ADPGK: variants seen among roughly 807,000 people sequenced by gnomAD.
ADPGK encodes ADP dependent glucokinase.
Under a neutral mutation model 42.4 loss-of-function variants are expected in ADPGK, and 26 were observed. The ratio of observed to expected loss-of-function variants is 0.61; its 90% CI spans 0.45 to 0.85. ADPGK has a LOEUF of 0.85. Ranked by LOEUF, ADPGK falls within the 40% of genes least tolerant of loss-of-function variation. The pLI, the probability that ADPGK is intolerant of heterozygous loss-of-function variation, is 0.00. For missense variants in ADPGK, 571 were observed against 627.0 expected (o/e 0.91, Z 0.95); for synonymous variants, 267 against 252.6 (o/e 1.06, Z -0.54).
chr15:72,775,304 T>C (rs1421979715), intron 1 of ADPGK: 3 of 566,974 alleles, frequency 5.3e-6, no homozygotes, highest in Non-Finnish European at 9.4e-6. Flanking sequence ...CACAGGACTC[T>C]TCAATAATTT....
chr15:72,764,205 A>C (rs1406586499), intron 3 of ADPGK, among the ~76,000 whole-genome samples: 1 of 152,256 alleles, frequency 6.6e-6, no homozygotes, highest in Admixed American at 6.5e-5. Flanking sequence ...AAAGCCTCTT[A>C]TGCTGTTAGC....
chr15:72,782,185 C>G (rs2066467055), intron 1 of ADPGK, among the ~76,000 whole-genome samples: 1 of 152,140 alleles, frequency 6.6e-6, no homozygotes, highest in Non-Finnish European at 1.5e-5. Context: ...GAACCTAGCA[C>G]AGACCTGACA....
chr15:72,759,616 T>G (rs932485384), intron 4 of ADPGK, among the ~76,000 whole-genome samples: 2 of 152,240 alleles, frequency 1.3e-5, no homozygotes, highest in African/African-American at 4.8e-5. Context: ...AGTAGTTCAC[T>G]GAAGAGTATT....
At chr15:72,761,716 T>G (rs142473989) in intron 3 of ADPGK, among the ~76,000 whole-genome samples, 12,407 of 151,208 alleles carry the variant, frequency 0.082, 623 homozygotes, top group Non-Finnish European at 0.12. Flanking sequence ...TTTTTTTTTT[T>G]GAGACAGAGT....
At chr15:72,782,345 CTCT>C (rs1245472983) in intron 1 of ADPGK, among the ~76,000 whole-genome samples, 2 of 151,806 alleles carry the variant, frequency 1.3e-5, no homozygotes, top group African/African-American at 4.8e-5. Flanking sequence ...AAGACCTCGA[CTCT>C]ACTAAAAAAA....
chr15:72,756,569 G>C, intron 4 of ADPGK, 122 bp from the exon 5 acceptor site: 1 of 1,043,106 alleles, frequency 9.6e-7, no homozygotes, highest in Non-Finnish European at 1.4e-6. Context: ...TTCTGGCTGA[G>C]GAGACCCCAG....
chr15:72,759,012 C>T (rs746793513), intron 4 of ADPGK, among the ~76,000 whole-genome samples: 21 of 152,318 alleles, frequency 1.4e-4, no homozygotes, highest in South Asian at 2.1e-4. Context: ...AATCTCAGTT[C>T]ACTGCAACCT....
chr15:72,758,128 G>A, intron 4 of ADPGK: 1 of 1,613,624 alleles, frequency 6.2e-7, no homozygotes. Flanking sequence ...ATCCAGAAAG[G>A]ACCACCAGGT....
chr15:72,775,410 C>A (rs141599518), intron 1 of ADPGK, among the ~76,000 whole-genome samples: 2 of 152,260 alleles, frequency 1.3e-5, no homozygotes, highest in African/African-American at 4.8e-5. Context: ...CTGAGAAAAA[C>A]GCTGGCAGAG....
chr15:72,759,183 G>A (rs996570335), intron 4 of ADPGK, among the ~76,000 whole-genome samples: 1 of 152,084 alleles, frequency 6.6e-6, no homozygotes, highest in Non-Finnish European at 1.5e-5. Context: ...TGATCCACCC[G>A]CTTCAGCCTC....
At position 72,752,815 on chromosome 15, in the gene ADPGK, G is replaced by A; in HGVS notation, c.1020C>T (p.His340=). ...CACCGTTCCAGGAAGAGAGAGAAGA[G>A]TGAGGTCCAGAGGCTGACTGGGTGA... The part of the protein sequence containing the change: ...LFLTQSASGP[H]SSLSSWNGVP... Residue 340 remains histidine, a synonymous_variant, in exon 7 of 7, where the codon CAC becomes CAT. Coordinates refer to ENST00000456471, the MANE Select transcript of ADPGK (RefSeq NM_001365225.1). The A allele has an allele frequency of 6.2e-7, 1 of 1,614,260 alleles. No homozygotes were observed. The highest frequency in any genetic ancestry group is 8.5e-7 in the Non-Finnish European group (1 of 1,180,042).
rs769804003 is a variant in ADPGK, at chr15:72,752,577, T to G, written c.1258A>C (p.Ile420Leu). 35 of 1,614,092 alleles carry G rather than the reference T, an allele frequency of 2.2e-5. No individual in the cohort carries two copies. Among genetic ancestry groups the G allele is most frequent in the Non-Finnish European group, 2.8e-5 (33 of 1,180,046 alleles). Residue 420 changes from isoleucine to leucine, a missense_variant, in exon 7 of 7, where the codon ATA (isoleucine) becomes CTA (leucine). Ile to Leu is a conservative substitution (Grantham distance 5, BLOSUM62 2). This residue lies in a region of ADPGK where 434 missense variants were observed against 522.7 expected (regional missense o/e 0.83). Coordinates refer to ENST00000456471, the MANE Select transcript of ADPGK (RefSeq NM_001365225.1). Reference protein sequence around the residue: ...AGTQACATETIDTSRVSLRAP... With the variant: ...AGTQACATETLDTSRVSLRAP... ...CTCAGAGACACTCGGCTGGTGTCTA[T>G]GGTTTCTGTGGCGCAGGCCTGTGTC...
Position 72,752,253 on chromosome 15 carries a change from C to A in ADPGK, c.*88G>T, listed in dbSNP as rs148487929. ...GATACAGTTTAATCTGCTTTTATTT[C>A]TTTGGCTGTCTTCCAAACCACTTTC... On this transcript the variant is annotated 3_prime_UTR_variant, in exon 7 of 7. Coordinates refer to ENST00000456471, the MANE Select transcript of ADPGK (RefSeq NM_001365225.1). 0.033 allele frequency: 42,282 copies of A among 1,293,306 alleles called. 814 individuals carry two copies. Among genetic ancestry groups the A allele is most frequent in the Non-Finnish European group, 0.037 (35,281 of 951,858 alleles). The allele number at this position is 1,293,306 out of a possible 1,614,324, so 80.1% of individuals were successfully genotyped here.
In ADPGK at chr15:72,760,412, T is replaced by C; in HGVS notation, c.638A>G (p.Gln213Arg). The C allele has an allele frequency of 1.2e-6, 2 of 1,600,338 alleles. No homozygotes were observed. Among genetic ancestry groups the C allele is most frequent in the South Asian group, 1.1e-5 (1 of 89,688 alleles). The stretch of plus-strand genomic sequence containing the variant: ...TTACTTACTCATTTCCTTACCTGCT[T>C]GATACTCTAAAATGAGGTGGAACTC... ...VDEFHLILEY[Q>R]AGEEWGQLKA... The change falls in exon 4 of 7, where the codon CAA (glutamine) becomes CGA (arginine). Residue 213 changes from glutamine (Q) to arginine (R), a missense_variant. Around this residue, in one of 2 missense-constraint regions of ADPGK, gnomAD observed 434 missense variants for 522.7 expected, o/e 0.83. Coordinates refer to ENST00000456471, the MANE Select transcript of ADPGK (RefSeq NM_001365225.1).
rs906559016 is a variant in ADPGK at position 72,783,726 on chromosome 15, C to T, written c.-35G>A. The T allele has an allele frequency of 1.4e-6, 2 of 1,417,580 alleles. No homozygotes were observed. The highest frequency in any genetic ancestry group is 1.8e-6 in the Non-Finnish European group (2 of 1,090,296). The allele number at this position is 1,417,580 out of a possible 1,614,324, so 87.8% of individuals were successfully genotyped here. A position where few individuals can be genotyped will look rare whatever the true frequency, so the allele number is the denominator to read the frequency against. On this transcript the variant is annotated 5_prime_UTR_variant, in exon 1 of 7. Coordinates refer to ENST00000456471, the MANE Select transcript of ADPGK (RefSeq NM_001365225.1). ...GGCGCCGCACCTGCGCGAACCAACTCCTTTCCTAGCCCGCGCCTCTTCCGG... is the reference window on the plus strand; with the variant it reads ...GGCGCCGCACCTGCGCGAACCAACTTCTTTCCTAGCCCGCGCCTCTTCCGG...
chr15:72,760,576 A>G, intron 3 of ADPGK, 49 bp from the exon 4 acceptor site: 1 of 1,567,058 alleles, frequency 6.4e-7, no homozygotes, highest in Non-Finnish European at 8.7e-7. Flanking sequence ...TCCTTTCCCC[A>G]CAGAACCTCA....
chr15:72,752,304 T>G lies in ADPGK; in HGVS notation c.*37A>C, dbSNP rs1306648444. On this transcript the variant is annotated 3_prime_UTR_variant, in exon 7 of 7. Transcript: ENST00000456471. ...TTCCTGTAATTCTTAAGTTGGCTAG[T>G]TCTCCTTCCTCAGAAAAATTACCCC... The G allele has an allele frequency of 6.4e-7, 1 of 1,558,962 alleles. No homozygotes were observed. The highest frequency in any genetic ancestry group is 1.9e-5 in the Admixed American group (1 of 52,734).
At chr15:72,778,409 G>A (rs543825235) in intron 1 of ADPGK, among the ~76,000 whole-genome samples, 2 of 152,266 alleles carry the variant, frequency 1.3e-5, no homozygotes, top group Admixed American at 1.3e-4. Flanking sequence ...TACCTAAGGG[G>A]CTGTATTGTC....
At chr15:72,754,769 T>C (rs1476970309) in intron 6 of ADPGK, among the ~76,000 whole-genome samples, 2 of 152,150 alleles carry the variant, frequency 1.3e-5, no homozygotes, top group East Asian at 1.9e-4. Flanking sequence ...CCAAGATATA[T>C]TTAGTGAAAA....
Sources: allele counts gnomAD v4.1 joint callset (sites outside exome capture counted in the v4.1 genomes callset), GRCh38; gene constraint gnomAD v4.1.1; regional missense constraint gnomAD v4.1.1; transcripts MANE v1.5; gene names NCBI Gene and HGNC (gene_info 2026-07-23, HGNC 2026-07-21).